Variants in FSTL5 observed in about 807,000 individuals in gnomAD.
FSTL5 encodes follistatin-related protein 5.
FSTL5 carries 62 observed loss-of-function variants against 89.1 expected under a neutral mutation model. The observed-to-expected ratio is 0.70, with a 90% confidence interval of 0.57 to 0.86. The LOEUF is 0.86. FSTL5 is among the 40% of genes least tolerant of loss of function. The pLI, the probability that FSTL5 is intolerant of heterozygous loss-of-function variation, is 0.00. For missense variants in FSTL5, 1,057 were observed against 1,001.6 expected (o/e 1.06, Z -0.75); for synonymous variants, 383 against 346.2 (o/e 1.11, Z -1.18).
chr4:161,783,663 C>CTT (rs1219036956), intron 4 of FSTL5, among the ~76,000 whole-genome samples: 3 of 61,806 alleles, frequency 4.9e-5, no homozygotes, highest in Non-Finnish European at 6.4e-5. Flanking sequence ...TTCTTTCTTT[C>CTT]TCTTTCTTTC....
intron 10 of FSTL5, among the ~76,000 whole-genome samples, chr4:161,519,081 G>A (rs1345461133): frequency 1.3e-5 from 2 of 152,190 alleles, no homozygotes; most frequent in African/African-American, 4.8e-5. Context: ...CCAAGGCAGA[G>A]GCCATAATGC....
At chr4:161,648,766 G>C (rs1736237088) in intron 7 of FSTL5, among the ~76,000 whole-genome samples, 1 of 152,054 alleles carries the variant, frequency 6.6e-6, no homozygotes, top group Admixed American at 6.6e-5. Flanking sequence ...CCTAAATGTA[G>C]GTTCTATTAG....
intron 3 of FSTL5, among the ~76,000 whole-genome samples, chr4:161,995,139 C>CGAGGA (rs1415034574): frequency 1.3e-5 from 2 of 151,924 alleles, no homozygotes; most frequent in African/African-American, 4.8e-5. Flanking sequence ...GAGGTGTACT[C>CGAGGA]TGATAGAATG....
chr4:162,111,014 T>A (rs2172312), intron 2 of FSTL5, among the ~76,000 whole-genome samples: 2 of 152,098 alleles, frequency 1.3e-5, no homozygotes, highest in African/African-American at 4.8e-5. Flanking sequence ...AATTTATTAG[T>A]ATTACTGTAG....
intron 6 of FSTL5, among the ~76,000 whole-genome samples, chr4:161,749,075 G>A (rs1208448437): frequency 1.3e-5 from 2 of 152,104 alleles, no homozygotes; most frequent in African/African-American, 2.4e-5. Flanking sequence ...CAGTGTTGGT[G>A]GGGATGTAAA....
At chr4:161,976,049 C>T (rs111701612) in intron 3 of FSTL5, among the ~76,000 whole-genome samples, 2,778 of 137,074 alleles carry the variant, frequency 0.02, 29 homozygotes, top group Non-Finnish European at 0.027. Flanking sequence ...ACTCGGCAGG[C>T]GGATCTTGCA....
chr4:161,770,687 A>G (rs1253190776), intron 5 of FSTL5, among the ~76,000 whole-genome samples: 1 of 151,964 alleles, frequency 6.6e-6, no homozygotes, highest in Non-Finnish European at 1.5e-5. Context: ...TATGGGCAAG[A>G]AAAAAACTGC....
At chr4:161,873,125 T>C (rs566020556) in intron 4 of FSTL5, among the ~76,000 whole-genome samples, 10 of 152,252 alleles carry the variant, frequency 6.6e-5, no homozygotes, top group Admixed American at 5.9e-4. Context: ...AGGCAAAAGA[T>C]AGCCACACTC....
At chr4:161,545,772 A>G (rs1306476832) in intron 8 of FSTL5, among the ~76,000 whole-genome samples, 1 of 152,004 alleles carries the variant, frequency 6.6e-6, no homozygotes, top group Non-Finnish European at 1.5e-5. Context: ...CCTGACAGTC[A>G]TAGATGGAAT....
chr4:161,701,121 C>T (rs1035241339), intron 6 of FSTL5, among the ~76,000 whole-genome samples: 1 of 152,024 alleles, frequency 6.6e-6, no homozygotes, highest in African/African-American at 2.4e-5. Context: ...TTCTTTTTGT[C>T]CCTTTGGAAT....
intron 2 of FSTL5, among the ~76,000 whole-genome samples, chr4:162,066,188 T>C (rs1738888706): frequency 6.6e-6 from 1 of 152,026 alleles, no homozygotes; most frequent in Admixed American, 6.6e-5. Context: ...CTGAATTTAT[T>C]GAATATATTT....
chr4:161,476,173 G>GGTTTT (rs1309725557), intron 13 of FSTL5, among the ~76,000 whole-genome samples: 4 of 80,490 alleles, frequency 5.0e-5, no homozygotes, highest in East Asian at 4.7e-4. Flanking sequence ...AAGTTTGCTG[G>GGTTTT]TTTTTTTTTT....
At position 161,845,185 on chromosome 4, in the gene FSTL5, G is replaced by T. The variant is rs951340787; in HGVS notation, c.410-69111C>A. On this transcript the variant is annotated intron_variant, in intron 4 of 15. Transcript: ENST00000306100. ...TTTAAAATGTACTTTAGCATTACTG[G>T]CTATTAGATTAATGCACTCTTCTCA... 2.0e-5 allele frequency among the ~76,000 whole-genome samples: 3 copies of T among 152,050 alleles called. No individual in the cohort carries two copies. The East Asian group carries it at 5.8e-4, about 29-fold the overall frequency.
At chr4:161,925,658 G>A (rs1316196344) in intron 3 of FSTL5, among the ~76,000 whole-genome samples, 5 of 151,710 alleles carry the variant, frequency 3.3e-5, no homozygotes, top group Non-Finnish European at 2.9e-5. Flanking sequence ...GAAAATTCCT[G>A]GCATAGAGTA....
chr4:162,040,499 T>C (rs997558792), intron 2 of FSTL5, among the ~76,000 whole-genome samples: 22 of 151,882 alleles, frequency 1.4e-4, no homozygotes, highest in Non-Finnish European at 2.7e-4. Context: ...AACAACTATT[T>C]TGGCGGTGGC....
At chr4:161,474,568 C>T (rs1204245490) in intron 13 of FSTL5, among the ~76,000 whole-genome samples, 6 of 139,404 alleles carry the variant, frequency 4.3e-5, no homozygotes, top group African/African-American at 7.9e-5. Context: ...TTGAGATGGG[C>T]GGAGTCTCGC....
chr4:161,542,416 T>C, intron 9 of FSTL5, 116 bp downstream of exon 9: 2 of 539,720 alleles, frequency 3.7e-6, no homozygotes, highest in Non-Finnish European at 6.0e-6. Context: ...TTCATATTTG[T>C]GACATTCTGT....
chr4:162,110,468 T>C (rs1200696210), intron 2 of FSTL5, among the ~76,000 whole-genome samples: 1 of 151,880 alleles, frequency 6.6e-6, no homozygotes, highest in Non-Finnish European at 1.5e-5. Flanking sequence ...AAAAAATCTA[T>C]TTGTTTATTT....
At chr4:161,862,086 A>G (rs1184413122) in intron 4 of FSTL5, among the ~76,000 whole-genome samples, 1 of 152,222 alleles carries the variant, frequency 6.6e-6, no homozygotes, top group Non-Finnish European at 1.5e-5. Flanking sequence ...AAACCGTAGA[A>G]AAACATTTTT....
Sources: gnomAD v4.1 joint callset for allele counts (sites outside exome capture counted in the v4.1 genomes callset) on GRCh38, gnomAD v4.1.1 for gene constraint, MANE v1.5 for transcripts, NCBI Gene and HGNC (gene_info 2026-07-23, HGNC 2026-07-21) for gene names.